ABITRAM: variants seen among roughly 807,000 people sequenced by gnomAD.
The protein encoded by ABITRAM is protein Abitram.
Under a neutral mutation model 22.9 loss-of-function variants are expected in ABITRAM, and 19 were observed. The ratio of observed to expected loss-of-function variants is 0.83; its 90% CI spans 0.58 to 1.22. The LOEUF is 1.22. ABITRAM is among the 50% of genes most tolerant of loss of function. The probability of loss-of-function intolerance (pLI) is 0.00; values close to 1 mark genes in which losing one functional copy is unlikely to be tolerated. For synonymous variants in ABITRAM, 70 were observed against 73.9 expected (o/e 0.95, Z 0.27); for missense variants, 215 against 220.2 (o/e 0.98, Z 0.15).
chr9:108,947,629 TG>T (rs1214204417), intron 3 of ABITRAM, among the ~76,000 whole-genome samples: 1 of 152,172 alleles, frequency 6.6e-6, no homozygotes, highest in Non-Finnish European at 1.5e-5. Flanking sequence ...GAATTACAGA[TG>T]GGCCTATGTG....
chr9:108,940,575 C>T lies in ABITRAM; in HGVS notation c.*889C>T, dbSNP rs1830243537. 1 of 152,136 alleles carries T rather than the reference C, an allele frequency of 6.6e-6. No homozygotes were observed. The highest frequency in any genetic ancestry group is 2.4e-5 in the African/African-American group (1 of 41,420). 9.4% of individuals were successfully genotyped at this position (152,136 alleles called of 1,614,324 possible). Reference sequence around the variant, plus strand: ...CCTCTGAAACAAAGTAAAACTGCAACACTGTGACTTCTTAAATGAGGGATA... The same window carrying T: ...CCTCTGAAACAAAGTAAAACTGCAATACTGTGACTTCTTAAATGAGGGATA... On this transcript the variant is annotated 3_prime_UTR_variant, in exon 6 of 6. Coordinates refer to ENST00000322940, the MANE Select transcript of ABITRAM (RefSeq NM_017832.4).
chr9:108,947,115 CTT>C (rs34477684), intron 3 of ABITRAM, among the ~76,000 whole-genome samples: 20 of 136,222 alleles, frequency 1.5e-4, no homozygotes, highest in Non-Finnish European at 1.6e-4. Context: ...AAATTTCTTT[CTT>C]TTTTTTTTTT....
intron 4 of ABITRAM, 50 bp from the exon 5 acceptor site, chr9:108,939,335 A>G: frequency 1.9e-6 from 3 of 1,588,958 alleles, no homozygotes. Flanking sequence ...TCTTAGAAAC[A>G]ATTTTTTTTA....
At chr9:108,934,599 C>T (rs1471980658) in intron 1 of ABITRAM, 34 bp downstream of exon 1, 1 of 1,569,880 alleles carries the variant, frequency 6.4e-7, no homozygotes, top group African/African-American at 1.4e-5. Context: ...CCTCCTTGGC[C>T]GCACTGGCCT....
intron 2 of ABITRAM, 106 bp downstream of exon 2, chr9:108,935,795 A>G (rs1830176001): frequency 1.4e-6 from 1 of 720,082 alleles, no homozygotes; most frequent in Admixed American, 2.4e-5. Flanking sequence ...CTAAACAAAC[A>G]TGCATTAATT....
In ABITRAM at chr9:108,940,668, T is replaced by C. The variant is rs1280422086; in HGVS notation, c.*982T>C. 3 of 152,208 alleles carry C rather than the reference T, an allele frequency of 2.0e-5. No individual in the cohort carries two copies. The highest frequency in any genetic ancestry group is 7.2e-5 in the African/African-American group (3 of 41,460). The allele number at this position is 152,208 out of a possible 1,614,324, so 9.4% of individuals were successfully genotyped here. ...GTGTTATAATGCAGCGGGAAGCTAA[T>C]TCTTGAAATATGCACATTATAGTTA... On this transcript the variant is annotated 3_prime_UTR_variant, in exon 6 of 6. Transcript: ENST00000322940.
intron 2 of ABITRAM, 53 bp from the exon 3 acceptor site, chr9:108,936,255 G>A: frequency 1.3e-6 from 2 of 1,585,722 alleles, no homozygotes; most frequent in South Asian, 2.3e-5. Flanking sequence ...AGGAGTTATG[G>A]GAGGAAAAAT....
chr9:108,940,810 C>T lies in ABITRAM; in HGVS notation c.*1124C>T, dbSNP rs1830246249. 1 of 151,910 alleles carries T rather than the reference C, an allele frequency of 6.6e-6. No individual in the cohort carries two copies. Among genetic ancestry groups the T allele is most frequent in the Admixed American group, 6.6e-5 (1 of 15,258 alleles). The allele number at this position is 151,910 out of a possible 1,614,324, so 9.4% of individuals were successfully genotyped here. A position where few individuals can be genotyped will look rare whatever the true frequency, so the allele number is the denominator to read the frequency against. On this transcript the variant is annotated 3_prime_UTR_variant, in exon 6 of 6. Transcript: ENST00000322940. ...CACATCATTTAAAGTAAAAAAAAAC[C>T]TCCAACAACTGTGAATTTATAGTTT...
chr9:108,945,042 C>T (rs1052228159), downstream of ABITRAM, among the ~76,000 whole-genome samples: 1 of 152,180 alleles, frequency 6.6e-6, no homozygotes, highest in Non-Finnish European at 1.5e-5. Context: ...CTCTTTCCTT[C>T]TAGCCTGCAA....
chr9:108,946,163 G>T (rs973688759), intron 3 of ABITRAM, among the ~76,000 whole-genome samples: 27 of 152,070 alleles, frequency 1.8e-4, no homozygotes, highest in Admixed American at 4.6e-4. Context: ...GCTGGGCGTG[G>T]TAGCGCACAC....
Position 108,939,238 on chromosome 9 carries a change from T to G in ABITRAM, c.304T>G (p.Tyr102Asp). 1 of 1,614,032 alleles carries G rather than the reference T, an allele frequency of 6.2e-7. No homozygotes were observed. The highest frequency in any genetic ancestry group is 1.1e-5 in the South Asian group (1 of 91,068). ...LTELAPLCKI[Y>D]CSDGEEYTVS... ...AGAGCTTGCACCTCTCTGTAAGATT[T>G]ACTGCTCAGATGGTGAAGAATATAC... The change falls in exon 4 of 6, where the codon TAC (tyrosine) becomes GAC (aspartate). Residue 102 changes from tyrosine to aspartate, a missense_variant. Tyr to Asp is a radical substitution (Grantham distance 160). Coordinates refer to ENST00000322940, the MANE Select transcript of ABITRAM (RefSeq NM_017832.4).
chr9:108,935,452 G>A (rs966375046), intron 1 of ABITRAM, among the ~76,000 whole-genome samples, 186 bp from the exon 2 acceptor site: 2 of 152,224 alleles, frequency 1.3e-5, no homozygotes, highest in African/African-American at 4.8e-5. Context: ...ATCTGGGCCA[G>A]ATCTCTTTAA....
chr9:108,941,716 C>T (rs940218242), downstream of ABITRAM, among the ~76,000 whole-genome samples: 1 of 152,122 alleles, frequency 6.6e-6, no homozygotes, highest in South Asian at 2.1e-4. Flanking sequence ...TATCTACTGC[C>T]ATTTGATAAC....
chr9:108,936,884 C>T (rs1305952191), intron 3 of ABITRAM, among the ~76,000 whole-genome samples: 7 of 151,904 alleles, frequency 4.6e-5, no homozygotes, highest in Non-Finnish European at 8.8e-5. Context: ...AAACATGGGC[C>T]GGTCACAATG....
At chr9:108,939,523 A>T (rs1039605329) in intron 5 of ABITRAM, 26 bp from the exon 6 acceptor site, 2 of 1,608,646 alleles carry the variant, frequency 1.2e-6, no homozygotes, top group African/African-American at 2.7e-5. Context: ...ATCGTTTGAC[A>T]GTACTAAATG....
intron 3 of ABITRAM, among the ~76,000 whole-genome samples, chr9:108,938,839 G>A (rs1178106085): frequency 6.6e-6 from 1 of 152,104 alleles, no homozygotes; most frequent in Non-Finnish European, 1.5e-5. Context: ...CTGTCATACT[G>A]TGTCATGTTG....
chr9:108,939,202 C>T lies in ABITRAM; in HGVS notation c.268C>T (p.Gln90Ter), dbSNP rs1830226776. ...CTTCCGTCTCATTACACAGGGGGCACAGTTTCTAACAGAGCTTGCACCTCT... is the reference window on the plus strand; with the variant it reads ...CTTCCGTCTCATTACACAGGGGGCATAGTTTCTAACAGAGCTTGCACCTCT... ...KVSGKFKRGA[Q>*]FLTELAPLCK... The change falls in exon 4 of 6, where the codon CAG becomes TAG. Residue 90 changes from glutamine (Q) to a stop codon, truncating the protein, a stop_gained. Coordinates refer to ENST00000322940, the MANE Select transcript of ABITRAM (RefSeq NM_017832.4). LOFTEE classifies it high-confidence loss of function. The T allele has an allele frequency of 2.5e-6, 4 of 1,613,470 alleles. No homozygotes were observed. The highest frequency in any genetic ancestry group is 1.3e-5 in the African/African-American group (1 of 74,888).
At chr9:108,935,010 AAAG>A (rs899993885) in intron 1 of ABITRAM, among the ~76,000 whole-genome samples, 18 of 152,286 alleles carry the variant, frequency 1.2e-4, no homozygotes, top group East Asian at 3.9e-4. Context: ...AGACATTTAG[AAAG>A]AAGAAGAATC....
chr9:108,936,418 T>A lies in ABITRAM; in HGVS notation c.242T>A (p.Val81Asp). 6.2e-7 allele frequency: 1 copy of A among 1,613,574 alleles called. No individual in the cohort carries two copies. The highest frequency in any genetic ancestry group is 8.5e-7 in the Non-Finnish European group (1 of 1,179,822). Reference sequence around the variant, plus strand: ...AACTGTAGCAGACTTCAGAACAAGGTCTCTGGGAAATTTAAGCGGGTATGT... The same window carrying A: ...AACTGTAGCAGACTTCAGAACAAGGACTCTGGGAAATTTAAGCGGGTATGT... Reference protein sequence around the residue: ...STNCSRLQNKVSGKFKRGAQF... With the variant: ...STNCSRLQNKDSGKFKRGAQF... The change falls in exon 3 of 6, where the codon GTC (valine) becomes GAC (aspartate). Residue 81 changes from valine to aspartate, a missense_variant. Physicochemically the swap from Val to Asp is radical, Grantham distance 152. Coordinates refer to ENST00000322940, the MANE Select transcript of ABITRAM (RefSeq NM_017832.4).
Sources: gnomAD v4.1 joint callset for allele counts (sites outside exome capture counted in the v4.1 genomes callset) on GRCh38, gnomAD v4.1.1 for gene constraint, MANE v1.5 for transcripts, NCBI Gene and HGNC (gene_info 2026-07-23, HGNC 2026-07-21) for gene names.